DSG4: variants seen among roughly 807,000 people sequenced by gnomAD.
DSG4 encodes the protein desmoglein 4.
In DSG4, 87 loss-of-function variants were observed where a neutral mutation model predicts 93.1. That is an observed-to-expected ratio of 0.93 (90% CI 0.79 to 1.12). DSG4 has a LOEUF of 1.12. Ranked by LOEUF, DSG4 falls within the 50% of genes most tolerant of loss-of-function variation. The probability of loss-of-function intolerance (pLI) is 0.00; values close to 1 mark genes in which losing one functional copy is unlikely to be tolerated. For synonymous variants in DSG4, 432 were observed against 452.9 expected (o/e 0.95, Z 0.59); for missense variants, 1,373 against 1,285.7 (o/e 1.07, Z -1.04).
chr18:31,409,375 T>C, intron 12 of DSG4, 77 bp from the exon 13 acceptor site: 2 of 1,605,552 alleles, frequency 1.2e-6, no homozygotes, highest in Non-Finnish European at 1.7e-6. Context: ...CACCAAATGC[T>C]CCCCAGAATG....
At chr18:31,379,534 A>G (rs933188262) in intron 1 of DSG4, among the ~76,000 whole-genome samples, 1 of 152,190 alleles carries the variant, frequency 6.6e-6, no homozygotes, top group Non-Finnish European at 1.5e-5. Flanking sequence ...TATCAAGTGG[A>G]TAAGGTCATA....
intron 8 of DSG4, among the ~76,000 whole-genome samples, chr18:31,396,392 C>G (rs1025131009): frequency 9.1e-6 from 1 of 109,440 alleles, no homozygotes; most frequent in African/African-American, 3.6e-5. Flanking sequence ...GAGACAGAGT[C>G]TCACTCTGTC....
chr18:31,403,087 G>A (rs140223786), intron 10 of DSG4, among the ~76,000 whole-genome samples: 1 of 152,234 alleles, frequency 6.6e-6, no homozygotes, highest in African/African-American at 2.4e-5. Flanking sequence ...CCTTCTCGGA[G>A]GAAGAACATT....
chr18:31,383,668 G>A (rs777352933), intron 1 of DSG4, among the ~76,000 whole-genome samples: 3 of 151,946 alleles, frequency 2.0e-5, no homozygotes, highest in Non-Finnish European at 2.9e-5. Context: ...CTACCTCAGC[G>A]TGCACCTGAA....
chr18:31,404,836 C>G (rs1478915784), intron 11 of DSG4, among the ~76,000 whole-genome samples: 1 of 152,046 alleles, frequency 6.6e-6, no homozygotes, highest in Admixed American at 6.5e-5. Flanking sequence ...AATTGCTAAC[C>G]ACTTTTTTCC....
chr18:31,390,573 C>T, intron 5 of DSG4, 83 bp from the exon 6 acceptor site: 2 of 1,535,888 alleles, frequency 1.3e-6, no homozygotes, highest in Non-Finnish European at 1.8e-6. Flanking sequence ...AGAAGGCCAA[C>T]CACTCTGTCT....
At chr18:31,404,451 T>C (rs576797239) in intron 11 of DSG4, among the ~76,000 whole-genome samples, 16 of 152,336 alleles carry the variant, frequency 1.1e-4, no homozygotes, top group African/African-American at 3.6e-4. Flanking sequence ...GAAAATGCTA[T>C]GAGAGGATCT....
intron 8 of DSG4, among the ~76,000 whole-genome samples, chr18:31,396,773 G>C (rs1021789358): frequency 6.6e-6 from 1 of 152,144 alleles, no homozygotes; most frequent in Non-Finnish European, 1.5e-5. Flanking sequence ...TGGTCCCAAA[G>C]TCATATTTAA....
rs189844610 is a variant in DSG4 at position 31,389,207 on chromosome 18, A to C, written c.517+189A>C. Among the ~76,000 whole-genome samples, 7 of 152,316 alleles carry C rather than the reference A, an allele frequency of 4.6e-5. No individual in the cohort carries two copies. The East Asian group carries it at 1.3e-3, about 29-fold the overall frequency. On this transcript the variant is annotated intron_variant, in intron 5 of 15. Coordinates refer to ENST00000308128, the MANE Select transcript of DSG4 (RefSeq NM_177986.5). ...ATCATGTCTAAAATGATAAAATAAA[A>C]TATCTTCTTACTTGCGGAAGGTCCC...
At chr18:31,403,217 C>G (rs1260110140) in intron 10 of DSG4, among the ~76,000 whole-genome samples, 199 bp from the exon 11 acceptor site, 1 of 152,096 alleles carries the variant, frequency 6.6e-6, no homozygotes, top group African/African-American at 2.4e-5. Flanking sequence ...GTTTAAAGAA[C>G]TCAAAAGAAG....
In DSG4 at chr18:31,413,265, C is replaced by A; in HGVS notation, c.2793C>A (p.Pro931=). 1 of 1,614,060 alleles carries A rather than the reference C, an allele frequency of 6.2e-7. No individual in the cohort carries two copies. Among genetic ancestry groups the A allele is most frequent in the Non-Finnish European group, 8.5e-7 (1 of 1,180,018 alleles). Residue 931 remains proline (P), a synonymous_variant, in exon 16 of 16, where the codon CCC becomes CCA. Transcript: ENST00000308128. ...TTATTTTTGATCCTCAGCTTGCACCCAATGTTGTAGTAACCGAAGCAGTAA... is the reference window on the plus strand; with the variant it reads ...TTATTTTTGATCCTCAGCTTGCACCAAATGTTGTAGTAACCGAAGCAGTAA... ...TTIIFDPQLA[P]NVVVTEAVMA...
rs776355140 is a variant in DSG4, at chr18:31,413,160, A to T, written c.2688A>T (p.Ala896=). ...SEVEFQEEMA[A]SEPVVHGDII... ...TTGAATTCCAAGAAGAAATGGCAGC[A>T]TCTGAACCCGTGGTCCATGGGGATA... Residue 896 remains alanine (A), a synonymous_variant, in exon 16 of 16, where the codon GCA becomes GCT. Coordinates refer to ENST00000308128, the MANE Select transcript of DSG4 (RefSeq NM_177986.5). 6.2e-7 allele frequency: 1 copy of T among 1,614,202 alleles called. No homozygotes were observed. The highest frequency in any genetic ancestry group is 2.2e-5 in the East Asian group (1 of 44,890).
At chr18:31,383,494 A>C (rs1272753806) in intron 1 of DSG4, among the ~76,000 whole-genome samples, 1 of 152,060 alleles carries the variant, frequency 6.6e-6, no homozygotes, top group Non-Finnish European at 1.5e-5. Flanking sequence ...ATATTCCTTT[A>C]AAACTCTAGT....
At position 31,410,021 on chromosome 18, in the gene DSG4, C is replaced by T. The variant is rs148383823; in HGVS notation, c.2137+213C>T. Reference sequence around the variant, plus strand: ...ATGACACAGCAGTTAAAAGAGCAAACTCTGGAAGCAGAATGCTTGGGTTTG... The same window carrying T: ...ATGACACAGCAGTTAAAAGAGCAAATTCTGGAAGCAGAATGCTTGGGTTTG... On this transcript the variant is annotated intron_variant, in intron 14 of 15. Coordinates refer to ENST00000308128, the MANE Select transcript of DSG4 (RefSeq NM_177986.5). Among the ~76,000 whole-genome samples, 9 of 152,224 alleles carry T rather than the reference C, an allele frequency of 5.9e-5. No individual in the cohort carries two copies. The East Asian group carries it at 1.7e-3, about 29-fold the overall frequency.
At chr18:31,405,072 A>C (rs2072409727) in intron 11 of DSG4, among the ~76,000 whole-genome samples, 1 of 152,176 alleles carries the variant, frequency 6.6e-6, no homozygotes, top group African/African-American at 2.4e-5. Flanking sequence ...CACAGGTTAG[A>C]TTTTGGTGGA....
intron 8 of DSG4, among the ~76,000 whole-genome samples, chr18:31,393,687 A>G (rs2072274547): frequency 6.6e-6 from 1 of 152,174 alleles, no homozygotes; most frequent in Admixed American, 6.6e-5. Flanking sequence ...CATCCAAACC[A>G]TATCATCAAG....
intron 2 of DSG4, 103 bp from the exon 3 acceptor site, chr18:31,386,585 A>G (rs2072189889): frequency 6.5e-6 from 10 of 1,527,706 alleles, no homozygotes; most frequent in African/African-American, 1.4e-5. Flanking sequence ...TTCAAATTCA[A>G]TATCACTGTT....
Position 31,390,739 on chromosome 18 carries a change from C to T in DSG4, c.601C>T (p.Gln201Ter). ...TAAAATTGCCTACAAGATCGTCTCT[C>T]AGGAGCCATCAGGTGCACCCATGTT... ...NSKIAYKIVSQEPSGAPMFIL... is the reference protein window; with the variant it reads ...NSKIAYKIVS The change falls in exon 6 of 16, where the codon CAG (glutamine) becomes TAG (stop). Residue 201 changes from glutamine (Q) to a stop codon, truncating the protein, a stop_gained. Coordinates refer to ENST00000308128, the MANE Select transcript of DSG4 (RefSeq NM_177986.5). LOFTEE classifies it high-confidence loss of function. The T allele has an allele frequency of 6.2e-7, 1 of 1,613,840 alleles. No individual in the cohort carries two copies. The highest frequency in any genetic ancestry group is 8.5e-7 in the Non-Finnish European group (1 of 1,179,820).
At chr18:31,391,770 G>A (rs146647332) in intron 7 of DSG4, among the ~76,000 whole-genome samples, 272 of 152,132 alleles carry the variant, frequency 1.8e-3, no homozygotes, top group African/African-American at 6.2e-3. Flanking sequence ...AACAGCAGAC[G>A]TGAGGGGTTG....
Sources: gnomAD v4.1 joint callset for allele counts (sites outside exome capture counted in the v4.1 genomes callset) on GRCh38, gnomAD v4.1.1 for gene constraint, MANE v1.5 for transcripts, NCBI Gene and HGNC (gene_info 2026-07-23, HGNC 2026-07-21) for gene names.